The following RAB10 variants were observed in gnomAD, a reference collection of about 807,000 sequenced individuals.
RAB10 encodes RAB10, member RAS oncogene family.
Under a neutral mutation model 25.7 loss-of-function variants are expected in RAB10, and 5 were observed. That is an observed-to-expected ratio of 0.19 (90% CI 0.10 to 0.41). RAB10 has a LOEUF of 0.41. Among genes scored for constraint, RAB10 ranks in the 10% least tolerant of loss-of-function variants. The pLI, the probability that RAB10 is intolerant of heterozygous loss-of-function variation, is 1.00. For missense variants in RAB10, 103 were observed against 245.8 expected (o/e 0.42, Z 3.89); for synonymous variants, 89 against 86.4 (o/e 1.03, Z -0.16).
chr2:26,109,955 C>T, intron 3 of RAB10, 49 bp downstream of exon 3: 1 of 1,455,704 alleles, frequency 6.9e-7, no homozygotes, highest in Non-Finnish European at 9.2e-7. Flanking sequence ...CATTTGTGTG[C>T]TTGGTTAGGA....
intron 1 of RAB10, among the ~76,000 whole-genome samples, chr2:26,079,324 A>AACACACACACACAC (rs34334774): frequency 1.1e-5 from 1 of 92,646 alleles, no homozygotes; most frequent in African/African-American, 4.0e-5. Context: ...CACACACACA[A>AACACACACACACAC]ACACACACAC....
intron 1 of RAB10, among the ~76,000 whole-genome samples, chr2:26,061,644 G>C (rs1190588305): frequency 6.6e-6 from 1 of 152,004 alleles, no homozygotes; most frequent in Non-Finnish European, 1.5e-5. Context: ...TCCTGCCTTG[G>C]CCTCCCAAAG....
In RAB10 at chr2:26,133,497, T is replaced by C. The variant is rs1435115184; in HGVS notation, c.520-1441T>C. On this transcript the variant is annotated intron_variant, in intron 5 of 5. Transcript: ENST00000264710. ...GGGCACAAGGGAGCCTTCTTGGGAG[T>C]ATTATGTTCTATATCCTGATCTGGT... Among the ~76,000 whole-genome samples the C allele has an allele frequency of 2.6e-5, 4 of 152,050 alleles. 1 individual carries two copies. The highest frequency in any genetic ancestry group is 4.2e-4 in the South Asian group (2 of 4,808).
chr2:26,116,778 G>T (rs1667698553), intron 3 of RAB10, among the ~76,000 whole-genome samples: 2 of 151,674 alleles, frequency 1.3e-5, no homozygotes, highest in Non-Finnish European at 2.9e-5. Context: ...GGATGGTCTC[G>T]ATCTCCTGAC....
At position 26,136,555 on chromosome 2, in the gene RAB10, A is replaced by G. The variant is rs958254539; in HGVS notation, c.*1534A>G. 3 of 152,590 alleles carry G rather than the reference A, an allele frequency of 2.0e-5. No homozygotes were observed. The highest frequency in any genetic ancestry group is 7.2e-5 in the African/African-American group (3 of 41,444). 9.5% of individuals were successfully genotyped at this position (152,590 alleles called of 1,614,324 possible). On this transcript the variant is annotated 3_prime_UTR_variant, in exon 6 of 6. Transcript: ENST00000264710. ...TTTTTCTAGTTTTGCTTCATTGCTTATCATTAGGATAGGGTAAGTGAAGTT... is the reference window on the plus strand; with the variant it reads ...TTTTTCTAGTTTTGCTTCATTGCTTGTCATTAGGATAGGGTAAGTGAAGTT...
At chr2:26,126,044 A>ATGGTTTT (rs1667897706) in intron 3 of RAB10, among the ~76,000 whole-genome samples, 2 of 152,146 alleles carry the variant, frequency 1.3e-5, no homozygotes, top group Admixed American at 6.5e-5. Context: ...TATGGTTTAA[A>ATGGTTTT]ATAAGGATCC....
At chr2:26,051,554 A>C (rs1337910079) in intron 1 of RAB10, among the ~76,000 whole-genome samples, 1 of 150,390 alleles carries the variant, frequency 6.6e-6, no homozygotes, top group Admixed American at 6.6e-5. Flanking sequence ...GATCGAGACC[A>C]TCCTGACCAA....
chr2:26,097,146 G>T (rs1204997344), intron 1 of RAB10, among the ~76,000 whole-genome samples: 3 of 152,190 alleles, frequency 2.0e-5, no homozygotes, highest in Non-Finnish European at 4.4e-5. Context: ...AAGCCGGGAA[G>T]TGGAGGTTAC....
At chr2:26,117,636 CAAAA>C (rs371062977) in intron 3 of RAB10, among the ~76,000 whole-genome samples, 1 of 143,342 alleles carries the variant, frequency 7.0e-6, no homozygotes, top group Non-Finnish European at 1.5e-5. Context: ...AAAAAAAAAA[CAAAA>C]AAAACAAAAG....
At chr2:26,049,879 C>T (rs1033740451) in intron 1 of RAB10, among the ~76,000 whole-genome samples, 1 of 152,124 alleles carries the variant, frequency 6.6e-6, no homozygotes, top group African/African-American at 2.4e-5. Flanking sequence ...CTCCATCTTC[C>T]TATGTACTCC....
In RAB10 at chr2:26,111,905, C is replaced by T. The variant is rs527880092; in HGVS notation, c.327+1999C>T. Among the ~76,000 whole-genome samples the T allele has an allele frequency of 4.3e-4, 65 of 152,290 alleles. 2 individuals are homozygous for T. In the South Asian group the frequency reaches 0.013, roughly 30 times the overall value. On this transcript the variant is annotated intron_variant, in intron 3 of 5. Transcript: ENST00000264710. ...CAAGTCCTGGGTCCCCAGGCTTACC[C>T]ACATTTCTGCCTTCTGTCCAAGCTG...
At chr2:26,092,920 CT>C (rs1667138963) in intron 1 of RAB10, among the ~76,000 whole-genome samples, 1 of 151,560 alleles carries the variant, frequency 6.6e-6, no homozygotes. Flanking sequence ...ACCCTTTTTT[CT>C]TTTGATTGTG....
At chr2:26,114,197 T>C (rs1197329202) in intron 3 of RAB10, among the ~76,000 whole-genome samples, 3 of 152,152 alleles carry the variant, frequency 2.0e-5, no homozygotes, top group Admixed American at 1.3e-4. Flanking sequence ...AAAATCCCAA[T>C]TGCTTTTTTA....
At chr2:26,093,518 T>C (rs1667150675) in intron 1 of RAB10, among the ~76,000 whole-genome samples, 1 of 152,226 alleles carries the variant, frequency 6.6e-6, no homozygotes, top group Non-Finnish European at 1.5e-5. Context: ...TGTTTATGTA[T>C]TTAGATTGCT....
chr2:26,087,670 G>A (rs1013621235), intron 1 of RAB10, among the ~76,000 whole-genome samples: 3 of 152,160 alleles, frequency 2.0e-5, no homozygotes, highest in Non-Finnish European at 4.4e-5. Context: ...CCAAAATGCT[G>A]GGATTACAGG....
At chr2:26,099,218 A>ATGTGTG (rs2149280325) in intron 2 of RAB10, among the ~76,000 whole-genome samples, 1 of 35,872 alleles carries the variant, frequency 2.8e-5, no homozygotes, top group East Asian at 1.1e-3. Context: ...GCAAATGTGT[A>ATGTGTG]TTATGTATAT....
At chr2:26,128,078 TC>T (rs1259054990) in intron 5 of RAB10, 127 bp downstream of exon 5, 6 of 789,390 alleles carry the variant, frequency 7.6e-6, no homozygotes, top group Non-Finnish European at 1.2e-5. Context: ...AGGGCAGCAG[TC>T]CCCAGCCTTT....
intron 1 of RAB10, among the ~76,000 whole-genome samples, chr2:26,041,543 C>CAAAAAAAA (rs1230627488): frequency 4.5e-5 from 2 of 44,628 alleles, no homozygotes; most frequent in African/African-American, 1.7e-4. Context: ...GACGCTGACT[C>CAAAAAAAA]AAAAAAAAAA....
intron 1 of RAB10, among the ~76,000 whole-genome samples, chr2:26,076,116 T>C (rs1666728004): frequency 6.6e-6 from 1 of 152,188 alleles, no homozygotes; most frequent in African/African-American, 2.4e-5. Flanking sequence ...GGGCTGTTTA[T>C]GTACCCAGGC....
Sources: allele counts gnomAD v4.1 joint callset (sites outside exome capture counted in the v4.1 genomes callset), GRCh38; gene constraint gnomAD v4.1.1; transcripts MANE v1.5; gene names NCBI Gene and HGNC (gene_info 2026-07-23, HGNC 2026-07-21).